The following XRCC5 variants were observed in gnomAD, a reference collection of about 807,000 sequenced individuals.
XRCC5 encodes X-ray repair cross complementing 5.
A neutral mutation model predicts 95.7 loss-of-function variants in XRCC5; 12 were observed. That is an observed-to-expected ratio of 0.13 (90% CI 0.08 to 0.20). The LOEUF (loss-of-function observed/expected upper bound fraction) is 0.20. Among genes scored for constraint, XRCC5 ranks in the 10% least tolerant of loss-of-function variants. The pLI, the probability that XRCC5 is intolerant of heterozygous loss-of-function variation, is 1.00. For missense variants in XRCC5, 595 were observed against 873.9 expected (o/e 0.68, Z 4.02); for synonymous variants, 281 against 290.3 (o/e 0.97, Z 0.33).
rs531866747 is a variant in XRCC5 at position 216,147,992 on chromosome 2, C to T, written c.1477-91C>T. 167 of 1,369,400 alleles carry T rather than the reference C, an allele frequency of 1.2e-4. No individual in the cohort carries two copies. In the South Asian group the frequency reaches 2.1e-3, roughly 17 times the overall value. 84.8% of individuals were successfully genotyped at this position (1,369,400 alleles called of 1,614,324 possible). On this transcript the variant is annotated intron_variant, in intron 13 of 20. Coordinates refer to ENST00000392132, the MANE Select transcript of XRCC5 (RefSeq NM_021141.4). ...TGTGGTATGAATCACTTAGCCCTCC[C>T]ACACTAAAGATGGAGGATCCCTGAT... is the stretch of plus-strand genomic sequence containing the variant.
chr2:216,154,855 C>T (rs1192138253), intron 14 of XRCC5, among the ~76,000 whole-genome samples: 1 of 152,130 alleles, frequency 6.6e-6, no homozygotes, highest in Non-Finnish European at 1.5e-5. Context: ...AACTCTTTTA[C>T]ACAGATAAGA....
At chr2:216,131,086 C>T in intron 9 of XRCC5, 99 bp downstream of exon 9, 1 of 1,421,592 alleles carries the variant, frequency 7.0e-7, no homozygotes, top group Non-Finnish European at 9.4e-7. Flanking sequence ...ATTTATTTCA[C>T]TTTTAATTTT....
intron 1 of XRCC5, 149 bp from the exon 2 acceptor site, chr2:216,112,867 C>T: frequency 1.6e-6 from 1 of 608,078 alleles, no homozygotes; most frequent in Non-Finnish European, 2.9e-6. Flanking sequence ...ATTTATATGT[C>T]TTACACACAT....
chr2:216,110,047 C>T (rs1029770247), intron 1 of XRCC5, among the ~76,000 whole-genome samples: 2 of 152,240 alleles, frequency 1.3e-5, no homozygotes, highest in Admixed American at 6.5e-5. Flanking sequence ...TCTTCACAAC[C>T]CCTTGAAGTG....
intron 16 of XRCC5, among the ~76,000 whole-genome samples, chr2:216,183,228 AAGG>A (rs1282664372): frequency 6.6e-6 from 1 of 152,200 alleles, no homozygotes; most frequent in Non-Finnish European, 1.5e-5. Context: ...ACAGAAATAA[AAGG>A]AGAGAGATCT....
chr2:216,160,333 G>A (rs887155129), intron 15 of XRCC5, among the ~76,000 whole-genome samples, 172 bp downstream of exon 15: 2 of 152,102 alleles, frequency 1.3e-5, no homozygotes, highest in Non-Finnish European at 2.9e-5. Flanking sequence ...ACTTCTTTAA[G>A]TAATTATTAT....
rs73060309 is a variant in XRCC5 at position 216,183,610 on chromosome 2, A to G, written c.1835-6615A>G. ...TTTCCTGTGCCACTGGTCATGCATA[A>G]TATTATGGCTGTGGTGTTCTCTCTG... On this transcript the variant is annotated intron_variant, in intron 16 of 20. Coordinates refer to ENST00000392132, the MANE Select transcript of XRCC5 (RefSeq NM_021141.4). 2.4e-3 allele frequency among the ~76,000 whole-genome samples: 369 copies of G among 152,292 alleles called. 1 individual carries two copies. Among genetic ancestry groups the G allele is most frequent in the African/African-American group, 8.1e-3 (337 of 41,554 alleles).
chr2:216,194,867 G>T, intron 18 of XRCC5, 52 bp from the exon 19 acceptor site: 3 of 1,571,870 alleles, frequency 1.9e-6, no homozygotes. Flanking sequence ...ACGAAAATGG[G>T]ATTGGGGTTG....
intron 16 of XRCC5, among the ~76,000 whole-genome samples, chr2:216,181,108 C>T (rs1381401714): frequency 1.3e-5 from 2 of 152,126 alleles, no homozygotes; most frequent in African/African-American, 2.4e-5. Flanking sequence ...CCACTGCGCC[C>T]GGCCTTGAGT....
chr2:216,156,209 G>A, intron 14 of XRCC5: 1 of 428,374 alleles, frequency 2.3e-6, no homozygotes, highest in Non-Finnish European at 4.5e-6. Context: ...TTCCATATGA[G>A]TCCTTGTGAT....
At chr2:216,119,285 C>G in intron 5 of XRCC5, 120 bp downstream of exon 5, 1 of 1,063,512 alleles carries the variant, frequency 9.4e-7, no homozygotes, top group South Asian at 1.6e-5. Context: ...AAGGCTGAAT[C>G]TGTCAGATGA....
At chr2:216,148,710 G>A (rs1688685133) in intron 14 of XRCC5, among the ~76,000 whole-genome samples, 1 of 152,174 alleles carries the variant, frequency 6.6e-6, no homozygotes, top group Non-Finnish European at 1.5e-5. Flanking sequence ...GTGGGAACAA[G>A]AGTGAAAAAC....
intron 16 of XRCC5, among the ~76,000 whole-genome samples, chr2:216,177,860 G>A (rs1288303364): frequency 6.6e-6 from 1 of 152,134 alleles, no homozygotes; most frequent in Non-Finnish European, 1.5e-5. Flanking sequence ...TTATTCTGAG[G>A]TGGATTGTAA....
chr2:216,120,333 C>CT (rs1257106477), intron 5 of XRCC5, among the ~76,000 whole-genome samples: 1 of 152,170 alleles, frequency 6.6e-6, no homozygotes, highest in East Asian at 1.9e-4. Context: ...AAGAGCTACT[C>CT]TTTTTTTCCA....
intron 11 of XRCC5, among the ~76,000 whole-genome samples, chr2:216,137,481 A>T (rs971927708): frequency 6.6e-6 from 1 of 150,938 alleles, no homozygotes. Context: ...ATTATAAAGT[A>T]TCATAAGAAT....
intron 16 of XRCC5, among the ~76,000 whole-genome samples, chr2:216,172,464 C>CTTTCCTTTTTTTTTTTTTTTTTTTTTT (rs1258491985): frequency 1.4e-5 from 1 of 70,350 alleles, no homozygotes; most frequent in African/African-American, 6.5e-5. Context: ...ATCAGCTTTT[C>CTTTCCTTTTTTTTTTTTTTTTTTTTTT]TTTTCTTTTT....
At position 216,148,045 on chromosome 2, in the gene XRCC5, C is replaced by T. The variant is rs377186651; in HGVS notation, c.1477-38C>T. 2.5e-6 allele frequency: 4 copies of T among 1,585,164 alleles called. No homozygotes were observed. The African/African-American group carries it at 5.5e-5, about 22-fold the overall frequency. On this transcript the variant is annotated intron_variant, in intron 13 of 20. Coordinates refer to ENST00000392132, the MANE Select transcript of XRCC5 (RefSeq NM_021141.4). ...GAAAATATAAAGAAGCCATATATGT[C>T]TCCATCTGTGTTTTAAAATCCTTAC...
intron 8 of XRCC5, among the ~76,000 whole-genome samples, chr2:216,129,412 T>G (rs1696946825): frequency 6.6e-6 from 1 of 152,218 alleles, no homozygotes; most frequent in Admixed American, 6.5e-5. Context: ...TAGTCTATTG[T>G]AAGTATACAA....
chr2:216,110,048 C>T (rs1696559308), intron 1 of XRCC5, among the ~76,000 whole-genome samples: 1 of 152,138 alleles, frequency 6.6e-6, no homozygotes, highest in Admixed American at 6.5e-5. Context: ...CTTCACAACC[C>T]CTTGAAGTGA....
Sources: allele counts gnomAD v4.1 joint callset (sites outside exome capture counted in the v4.1 genomes callset), GRCh38; gene constraint gnomAD v4.1.1; transcripts MANE v1.5; gene names NCBI Gene and HGNC (gene_info 2026-07-23, HGNC 2026-07-21).